Variants in PLEKHA1 observed in about 807,000 individuals in gnomAD.
The protein encoded by PLEKHA1 is pleckstrin homology domain-containing family A member 1.
In PLEKHA1, 34 loss-of-function variants were observed where a neutral mutation model predicts 52.0. That is an observed-to-expected ratio of 0.65 (90% CI 0.50 to 0.87). The LOEUF (loss-of-function observed/expected upper bound fraction) is 0.87, where lower values mean the gene tolerates loss of function less well. PLEKHA1 is among the 40% of genes least tolerant of loss of function. The pLI is 0.00. For synonymous variants in PLEKHA1, 163 were observed against 170.7 expected (o/e 0.95, Z 0.35); for missense variants, 497 against 504.2 (o/e 0.99, Z 0.14).
chr10:122,398,193 GTTAACA>G (rs1565189201), intron 3 of PLEKHA1, among the ~76,000 whole-genome samples: 2 of 152,074 alleles, frequency 1.3e-5, no homozygotes, highest in African/African-American at 2.4e-5. Flanking sequence ...AATTGCAAAA[GTTAACA>G]TTAACTTTTA....
intron 8 of PLEKHA1, chr10:122,418,795 A>C (rs539819584): frequency 2.0e-5 from 3 of 152,302 alleles, no homozygotes; most frequent in African/African-American, 7.2e-5. Context: ...TGTAGTATAA[A>C]TGTCTATCCT....
At chr10:122,405,281 G>A (rs756327196) in intron 4 of PLEKHA1, among the ~76,000 whole-genome samples, 14 of 152,024 alleles carry the variant, frequency 9.2e-5, no homozygotes, top group Non-Finnish European at 1.6e-4. Flanking sequence ...TATGAAATCT[G>A]GATGCATTTA....
At chr10:122,424,823 T>TCA in intron 9 of PLEKHA1, 73 bp from the exon 10 acceptor site, 1 of 1,243,834 alleles carries the variant, frequency 8.0e-7, no homozygotes, top group South Asian at 1.3e-5. Flanking sequence ...GCATACTGGG[T>TCA]ACTGGGTAAA....
At chr10:122,402,809 G>A (rs1238839597) in intron 4 of PLEKHA1, among the ~76,000 whole-genome samples, 1 of 152,174 alleles carries the variant, frequency 6.6e-6, no homozygotes, top group African/African-American at 2.4e-5. Context: ...CCCAGAGAAC[G>A]AAAGGAATGA....
chr10:122,387,575 AC>A (rs2096717748), intron 1 of PLEKHA1: 1 of 152,184 alleles, frequency 6.6e-6, no homozygotes, highest in Non-Finnish European at 1.5e-5. Flanking sequence ...GCATAAAAGA[AC>A]AGTTCATTAT....
the PLEKHA1 span, chr10:122,439,110 T>C: frequency 1.3e-5 from 2 of 152,256 alleles, no homozygotes; most frequent in Non-Finnish European, 2.9e-5. Flanking sequence ...TGATTGAATT[T>C]TGTTAAATAT....
chr10:122,424,985 AGATCCT>A (rs1294475644), intron 10 of PLEKHA1, 26 bp downstream of exon 10: 7 of 1,566,146 alleles, frequency 4.5e-6, no homozygotes, highest in Non-Finnish European at 5.2e-6. Context: ...GGCAATTAAT[AGATCCT>A]CCTAAAAAGA....
intron 6 of PLEKHA1, among the ~76,000 whole-genome samples, chr10:122,414,991 A>G (rs2097153279): frequency 6.6e-6 from 1 of 152,156 alleles, no homozygotes; most frequent in African/African-American, 2.4e-5. Context: ...TTACATTCAC[A>G]TAAAAACTTG....
intron 5 of PLEKHA1, chr10:122,412,431 A>C (rs540064398): frequency 6.5e-6 from 1 of 153,016 alleles, no homozygotes; most frequent in Non-Finnish European, 1.5e-5. Context: ...AATATGCCAC[A>C]ATCCCAGAAT....
intron 11 of PLEKHA1, 27 bp from the exon 12 acceptor site, chr10:122,429,597 G>T (rs72832716): frequency 1.2e-6 from 2 of 1,604,698 alleles, no homozygotes; most frequent in Non-Finnish European, 1.7e-6. Context: ...GTGACTGACC[G>T]TGTCTGACTG....
Position 122,375,526 on chromosome 10 carries a change from C to G in PLEKHA1, c.-21+720C>G, listed in dbSNP as rs531168265. On this transcript the variant is annotated intron_variant, in intron 1 of 11. Coordinates refer to ENST00000368990, the MANE Select transcript of PLEKHA1 (RefSeq NM_001001974.4). ...TTCGACGCCGAGGCCAGCTGCCAAC[C>G]GCAGAGCTTTGGGGCCGTCTTGAGT... 1.8e-4 allele frequency among the ~76,000 whole-genome samples: 27 copies of G among 152,372 alleles called. No homozygotes were observed. The South Asian group carries it at 5.6e-3, about 32-fold the overall frequency.
intron 1 of PLEKHA1, among the ~76,000 whole-genome samples, chr10:122,381,366 C>T (rs1169507759): frequency 6.6e-6 from 1 of 152,164 alleles, no homozygotes; most frequent in East Asian, 1.9e-4. Flanking sequence ...AATCTCATGT[C>T]GAATTGTAAT....
At chr10:122,409,105 A>G (rs893098198) in intron 5 of PLEKHA1, among the ~76,000 whole-genome samples, 1 of 152,056 alleles carries the variant, frequency 6.6e-6, no homozygotes, top group Non-Finnish European at 1.5e-5. Context: ...CTAACGCTAT[A>G]GTCTGTGACT....
intron 5 of PLEKHA1, chr10:122,412,603 T>A (rs2097122572): frequency 3.9e-6 from 1 of 253,434 alleles, no homozygotes; most frequent in South Asian, 8.4e-5. Context: ...TATTCCCTAA[T>A]GCCCCTGAGC....
chr10:122,440,211 A>G, the PLEKHA1 span: 1 of 152,234 alleles, frequency 6.6e-6, no homozygotes, highest in East Asian at 1.9e-4. Context: ...TCAAAATTCA[A>G]TGTAAAAAGT....
intron 11 of PLEKHA1, among the ~76,000 whole-genome samples, chr10:122,429,112 T>C (rs2097383818): frequency 6.6e-6 from 1 of 152,222 alleles, no homozygotes; most frequent in Non-Finnish European, 1.5e-5. Flanking sequence ...CTAAGTCTTA[T>C]CAGCAGAATA....
At chr10:122,435,181 C>T (rs2097433642), downstream of PLEKHA1, 1 of 152,042 alleles carries the variant, frequency 6.6e-6, no homozygotes, top group Admixed American at 6.6e-5. Context: ...ATATTTGTAT[C>T]AAAAATGCAA....
At chr10:122,420,395 C>A (rs1051787423) in intron 8 of PLEKHA1, 36 of 152,012 alleles carry the variant, frequency 2.4e-4, no homozygotes, top group African/African-American at 8.5e-4. Flanking sequence ...AGAAATAATA[C>A]ATGGAACCTG....
chr10:122,390,634 T>C (rs2096763258), intron 1 of PLEKHA1, among the ~76,000 whole-genome samples: 1 of 152,152 alleles, frequency 6.6e-6, no homozygotes, highest in African/African-American at 2.4e-5. Context: ...AAAAGTTAGC[T>C]GGGCATGGTG....
Sources: gnomAD v4.1 joint callset for allele counts (sites outside exome capture counted in the v4.1 genomes callset) on GRCh38, gnomAD v4.1.1 for gene constraint, MANE v1.5 for transcripts, NCBI Gene and HGNC (gene_info 2026-07-23, HGNC 2026-07-21) for gene names.